Variants in NCOR2 observed in about 807,000 individuals in gnomAD.
NCOR2 encodes the protein nuclear receptor corepressor 2.
A neutral mutation model predicts 262.9 loss-of-function variants in NCOR2; 81 were observed. The observed-to-expected ratio is 0.31, with a 90% CI of 0.26 to 0.37. The LOEUF (loss-of-function observed/expected upper bound fraction) is 0.37. NCOR2 is among the 10% of genes least tolerant of loss of function. The pLI is 1.00. For synonymous variants in NCOR2, 1,659 were observed against 1,559.3 expected (o/e 1.06, Z -1.51); for missense variants, 3,385 against 3,621.4 (o/e 0.93, Z 1.68).
chr12:124,555,085 T>A (rs1016344059), intron 1 of NCOR2, among the ~76,000 whole-genome samples: 1 of 152,204 alleles, frequency 6.6e-6, no homozygotes, highest in Admixed American at 6.5e-5. Flanking sequence ...AGGAGCTGTG[T>A]GTCCTGAGCC....
intron 13 of NCOR2, among the ~76,000 whole-genome samples, chr12:124,418,105 A>C (rs879041230): frequency 6.6e-6 from 1 of 151,974 alleles, no homozygotes; most frequent in African/African-American, 2.4e-5. Flanking sequence ...AATAAAACAT[A>C]GCTACGTCTT....
At chr12:124,499,151 C>T (rs2048543383), upstream of NCOR2, among the ~76,000 whole-genome samples, 1 of 152,262 alleles carries the variant, frequency 6.6e-6, no homozygotes, top group Non-Finnish European at 1.5e-5. Context: ...AAAATGATGA[C>T]ATCATTTCCT....
At chr12:124,335,333 G>C in intron 39 of NCOR2, 53 bp from the exon 42 acceptor site, 1 of 1,515,388 alleles carries the variant, frequency 6.6e-7, no homozygotes. Flanking sequence ...CAGGGCTGCT[G>C]GGCCCAAATC....
chr12:124,382,984 G>T (rs561141818), intron 17 of NCOR2, among the ~76,000 whole-genome samples: 19 of 152,168 alleles, frequency 1.2e-4, no homozygotes, highest in Non-Finnish European at 2.4e-4. Context: ...AAAGCCACCA[G>T]CTCCAAAGCC....
At chr12:124,474,620 C>T (rs1305645857) in intron 3 of NCOR2, among the ~76,000 whole-genome samples, 1 of 152,186 alleles carries the variant, frequency 6.6e-6, no homozygotes, top group Admixed American at 6.5e-5. Context: ...AGTTCCGTGA[C>T]CTCCAGCAGG....
In NCOR2 at chr12:124,566,591, G is replaced by A. The variant is rs2052247711; in HGVS notation, c.-165+717C>T. Among the ~76,000 whole-genome samples, 3 of 152,236 alleles carry A rather than the reference G, an allele frequency of 2.0e-5. No homozygotes were observed. Among genetic ancestry groups the A allele is most frequent in the African/African-American group, 4.8e-5 (2 of 41,462 alleles). ...TCCCAGTCGTGCCCAAGTGGGATCA[G>A]CTCTGAATTCCAACTTCGCAAAGTA... On this transcript the variant is annotated intron_variant, in intron 1 of 32. Coordinates refer to the NCOR2 transcript ENST00000458234. This position sits in a 1 kb window ranked among gnomAD's most constrained non-coding sequence, Gnocchi z 4.3.
rs1220386360 is a variant in NCOR2 at position 124,340,833 on chromosome 12, G to A, written c.5189-82C>T. The A allele has an allele frequency of 3.0e-6, 4 of 1,339,034 alleles. No homozygotes were observed. The African/African-American group carries it at 4.5e-5, about 15-fold the overall frequency. 82.9% of individuals were successfully genotyped at this position (1,339,034 alleles called of 1,614,324 possible). A position where few individuals can be genotyped will look rare whatever the true frequency, so the allele number is the denominator to read the frequency against. On this transcript the variant is annotated intron_variant, in intron 34 of 46. Transcript: ENST00000405201. The stretch of plus-strand genomic sequence containing the variant: ...CCACCGGCCAGATCACCCTCCTGGA[G>A]AGCACGGCACACACTCCTGGAGCCA...
chr12:124,404,104 C>G (rs2042133936), intron 13 of NCOR2, among the ~76,000 whole-genome samples: 1 of 152,226 alleles, frequency 6.6e-6, no homozygotes, highest in African/African-American at 2.4e-5. Flanking sequence ...GGTGAAGCCT[C>G]TTTTGGAGGT....
At position 124,541,725 on chromosome 12, in the gene NCOR2, G is replaced by A. The variant is rs190179004; in HGVS notation, c.-164-6114C>T. On this transcript the variant is annotated intron_variant, in intron 1 of 32. Transcript: ENST00000458234. ...GAGTGGAGAGCTGGAGGGGGATGGG[G>A]AGTGGAACTGGAGGGAGATGGGGAG... Among the ~76,000 whole-genome samples the A allele has an allele frequency of 2.2e-3, 93 of 43,074 alleles. 4 individuals are homozygous for A. Among genetic ancestry groups the A allele is most frequent in the Middle Eastern group, 6.6e-3 (1 of 152 alleles). 28.3% of individuals were successfully genotyped at this position (43,074 alleles called of 152,430 possible). A position where few individuals can be genotyped will look rare whatever the true frequency, so the allele number is the denominator to read the frequency against.
chr12:124,448,196 C>T (rs2045303357), intron 7 of NCOR2, among the ~76,000 whole-genome samples: 1 of 152,172 alleles, frequency 6.6e-6, no homozygotes, highest in Admixed American at 6.5e-5. Flanking sequence ...GTTGAGAACA[C>T]CCCACCCTCA....
At chr12:124,380,846 A>C (rs1260396094) in intron 17 of NCOR2, among the ~76,000 whole-genome samples, 1 of 152,070 alleles carries the variant, frequency 6.6e-6, no homozygotes, top group African/African-American at 2.4e-5. Flanking sequence ...GAATCCCCAC[A>C]AAGCTGGGTC....
In NCOR2 at chr12:124,440,977, C is replaced by A. The variant is rs2044769222; in HGVS notation, c.816-2981G>T. Among the ~76,000 whole-genome samples the A allele has an allele frequency of 6.6e-6, 1 of 152,124 alleles. No individual in the cohort carries two copies. The highest frequency in any genetic ancestry group is 1.5e-5 in the Non-Finnish European group (1 of 68,022). On this transcript the variant is annotated intron_variant, in intron 7 of 46. Transcript: ENST00000405201. This position sits in a 1 kb window ranked among gnomAD's most constrained non-coding sequence, Gnocchi z 5.7. The stretch of plus-strand genomic sequence containing the variant: ...GTGGCTGGACAGTGCTGGGGAGGGG[C>A]AGAGAGGACGGAGGAGGGGCTGTGA...
chr12:124,338,108 G>C (rs1191848568), intron 37 of NCOR2, among the ~76,000 whole-genome samples: 1 of 152,224 alleles, frequency 6.6e-6, no homozygotes. Context: ...TTTCATAATT[G>C]AAATAATGAT....
rs372728146 is a variant in NCOR2, at chr12:124,334,443, G to T, written c.6586C>A (p.His2196Asn). ...GCTCACCTCTTGCCCCCTTCGCTGT[G>T]GGGGGAGCCACGGGCCGGGGCACCA... The change falls in exon 41 of 47, where the codon CAC becomes AAC. Residue 2196 changes from histidine to asparagine, a missense_variant. His to Asn is a moderately conservative substitution (Grantham distance 68, BLOSUM62 1). This residue lies in a region of NCOR2 where 1,017 missense variants were observed against 967.2 expected (regional missense o/e 1.05). Coordinates refer to ENST00000405201, the Ensembl canonical transcript of NCOR2. 2.0e-5 allele frequency: 30 copies of T among 1,498,458 alleles called. No homozygotes were observed. Among genetic ancestry groups the T allele is most frequent in the Middle Eastern group, 2.4e-4 (1 of 4,252 alleles). The allele number at this position is 1,498,458 out of a possible 1,614,324, so 92.8% of individuals were successfully genotyped here.
At chr12:124,388,869 GGAGGGAGGGAGGGAGGGAGGGAGGGAGC>G (rs1424989260) in intron 16 of NCOR2, 3 of 125,406 alleles carry the variant, frequency 2.4e-5, no homozygotes, top group African/African-American at 5.4e-4. Flanking sequence ...CCACGGTGAG[GGAGGGAGGGAGGGAGGGAGGGAGGGAGC>G]GAGGGAGGGA....
chr12:124,438,146 G>C, intron 7 of NCOR2, 150 bp from the exon 10 acceptor site: 1 of 709,514 alleles, frequency 1.4e-6, no homozygotes, highest in Non-Finnish European at 2.4e-6. Flanking sequence ...TCCCCAGAGA[G>C]ACCTGTGAGC....
chr12:124,462,218 G>A (rs1453005216), intron 5 of NCOR2, among the ~76,000 whole-genome samples: 1 of 152,172 alleles, frequency 6.6e-6, no homozygotes, highest in African/African-American at 2.4e-5. Context: ...CTCTCCTCTA[G>A]AGCACAGAAA....
Position 124,483,550 on chromosome 12 carries a change from G to T in NCOR2, c.411+46C>A. On this transcript the variant is annotated intron_variant, in intron 3 of 46. Coordinates refer to ENST00000405201, the Ensembl canonical transcript of NCOR2. This position sits in a 1 kb window ranked among gnomAD's most constrained non-coding sequence, Gnocchi z 6.3. Reference sequence around the variant, plus strand: ...CTCCCACCCAGCCCAACCAGCAGCAGAACCTCAAGCGGGAGAGGAGCTCCC... The same window carrying T: ...CTCCCACCCAGCCCAACCAGCAGCATAACCTCAAGCGGGAGAGGAGCTCCC... 6.7e-7 allele frequency: 1 copy of T among 1,485,960 alleles called. No homozygotes were observed. 92.0% of individuals were successfully genotyped at this position (1,485,960 alleles called of 1,614,324 possible).
At chr12:124,473,047 G>A (rs768616938) in exon 4 of NCOR2, 25 of 1,614,008 alleles carry the variant, frequency 1.5e-5, no homozygotes, top group East Asian at 2.2e-5. Context: ...TTGGACAGCC[G>A]TGGCGGCACC....
Sources: allele counts gnomAD v4.1 joint callset (sites outside exome capture counted in the v4.1 genomes callset), GRCh38; gene constraint gnomAD v4.1.1; regional missense constraint gnomAD v4.1.1; non-coding constraint Gnocchi (gnomAD v3.1); transcripts MANE v1.5; gene names NCBI Gene and HGNC (gene_info 2026-07-23, HGNC 2026-07-21).